IL1RAPL2: variants seen among roughly 807,000 people sequenced by gnomAD.
IL1RAPL2 encodes the protein interleukin 1 receptor accessory protein like 2.
In IL1RAPL2, 3 loss-of-function variants were observed where a neutral mutation model predicts 44.1. That is an observed-to-expected ratio of 0.07 (90% CI 0.03 to 0.18). IL1RAPL2 has a LOEUF of 0.18. IL1RAPL2 is among the 10% of genes least tolerant of loss of function. The pLI, the probability that IL1RAPL2 is intolerant of heterozygous loss-of-function variation, is 1.00. For synonymous variants in IL1RAPL2, 181 were observed against 178.8 expected (o/e 1.01, Z -0.10); for missense variants, 391 against 496.4 (o/e 0.79, Z 2.02).
intron 6 of IL1RAPL2, among the ~76,000 whole-genome samples, chrX:105,515,233 C>A (rs1424646551): frequency 9.0e-6 from 1 of 111,700 alleles, no homozygotes; most frequent in Non-Finnish European, 1.9e-5. Context: ...AAAAGACACT[C>A]ATACTACAGT....
At chrX:104,601,528 A>G (rs1010822446) in intron 1 of IL1RAPL2, among the ~76,000 whole-genome samples, 9 of 112,121 alleles carry the variant, frequency 8.0e-5, no homozygotes, top group Non-Finnish European at 1.3e-4. Context: ...CCTGTCACAC[A>G]GATCACCATT....
intron 3 of IL1RAPL2, among the ~76,000 whole-genome samples, chrX:105,200,640 G>A (rs1045454742): frequency 1.8e-5 from 2 of 111,955 alleles, no homozygotes; most frequent in African/African-American, 6.5e-5. Context: ...GGCCAGGTGC[G>A]GTGGCTCGTG....
chrX:105,347,410 T>C (rs2035118657), intron 5 of IL1RAPL2, among the ~76,000 whole-genome samples: 1 of 111,753 alleles, frequency 8.9e-6, no homozygotes, highest in Non-Finnish European at 1.9e-5. Context: ...CCTTGAGGAT[T>C]ATTTTTTGCC....
intron 2 of IL1RAPL2, among the ~76,000 whole-genome samples, chrX:104,921,340 A>G (rs1036773668): frequency 1.8e-4 from 20 of 109,646 alleles, no homozygotes; most frequent in African/African-American, 6.3e-4. Flanking sequence ...CACATGCCCA[A>G]GACAGGTCCC....
chrX:105,561,242 A>G (rs1438766238), intron 6 of IL1RAPL2, among the ~76,000 whole-genome samples: 1 of 111,887 alleles, frequency 8.9e-6, no homozygotes, highest in Non-Finnish European at 1.9e-5. Flanking sequence ...GATGCTAACC[A>G]TTAATAAAGA....
At chrX:105,033,021 G>A (rs190401933) in intron 2 of IL1RAPL2, among the ~76,000 whole-genome samples, 7,039 of 110,951 alleles carry the variant, frequency 0.063, 600 homozygotes, top group African/African-American at 0.22. Flanking sequence ...GGTTTAAAGT[G>A]TTTTATCAGA....
At chrX:104,695,702 T>C (rs1406014378) in intron 2 of IL1RAPL2, among the ~76,000 whole-genome samples, 1 of 111,092 alleles carries the variant, frequency 9.0e-6, no homozygotes, top group African/African-American at 3.3e-5. Flanking sequence ...AGATATAATA[T>C]AATATTAGGG....
chrX:104,746,452 A>G (rs1932176985), intron 2 of IL1RAPL2, among the ~76,000 whole-genome samples: 1 of 111,877 alleles, frequency 8.9e-6, no homozygotes, highest in Non-Finnish European at 1.9e-5. Context: ...AAATGTAGCA[A>G]AAATACTATG....
At chrX:104,913,127 C>CT (rs1924299261) in intron 2 of IL1RAPL2, among the ~76,000 whole-genome samples, 1 of 111,306 alleles carries the variant, frequency 9.0e-6, no homozygotes, top group Non-Finnish European at 1.9e-5. Context: ...GGTGGCCTGC[C>CT]TTTTTACTTT....
At chrX:104,838,852 T>TTTTC (rs1921822089) in intron 2 of IL1RAPL2, among the ~76,000 whole-genome samples, 1 of 83,561 alleles carries the variant, frequency 1.2e-5, no homozygotes, top group African/African-American at 4.8e-5. Flanking sequence ...TCTTTCTTTT[T>TTTTC]TTTTTTTTTT....
chrX:104,621,489 C>T (rs903276830), intron 1 of IL1RAPL2, among the ~76,000 whole-genome samples: 9 of 107,520 alleles, frequency 8.4e-5, no homozygotes, highest in Admixed American at 5.1e-4. Context: ...CTCTCTCTGC[C>T]GTACCCCCAG....
intron 2 of IL1RAPL2, among the ~76,000 whole-genome samples, chrX:104,949,600 G>A (rs1293117183): frequency 9.3e-6 from 1 of 107,542 alleles, no homozygotes; most frequent in Non-Finnish European, 1.9e-5. Flanking sequence ...ATGCATCCCA[G>A]AGATTCTGGT....
chrX:104,695,963 A>G (rs1247830728), intron 2 of IL1RAPL2, among the ~76,000 whole-genome samples: 1 of 110,694 alleles, frequency 9.0e-6, no homozygotes, highest in Admixed American at 9.6e-5. Context: ...GCCCGCCACC[A>G]CACCCGGCTA....
At chrX:105,481,610 T>C (rs1291828299) in intron 5 of IL1RAPL2, among the ~76,000 whole-genome samples, 1 of 112,472 alleles carries the variant, frequency 8.9e-6, no homozygotes. Context: ...GCTTCCCACC[T>C]ATCACATTCC....
intron 5 of IL1RAPL2, among the ~76,000 whole-genome samples, chrX:105,443,913 T>G (rs1176673008): frequency 8.9e-6 from 1 of 111,945 alleles, no homozygotes; most frequent in Non-Finnish European, 1.9e-5. Flanking sequence ...TTGAGGAAAC[T>G]CCAAACTGTT....
chrX:105,092,890 A>T (rs2032561192), intron 2 of IL1RAPL2, among the ~76,000 whole-genome samples: 1 of 110,837 alleles, frequency 9.0e-6, no homozygotes, highest in Non-Finnish European at 1.9e-5. Flanking sequence ...TGCAGTTTTA[A>T]TGTGCTATAA....
intron 2 of IL1RAPL2, among the ~76,000 whole-genome samples, chrX:105,089,121 C>A (rs1602948674): frequency 9.0e-6 from 1 of 110,936 alleles, no homozygotes; most frequent in Admixed American, 9.7e-5. Flanking sequence ...AATAAAGGAG[C>A]CACTAAAATT....
intron 2 of IL1RAPL2, among the ~76,000 whole-genome samples, chrX:104,910,790 G>T (rs1354946012): frequency 8.9e-6 from 1 of 111,817 alleles, no homozygotes; most frequent in East Asian, 2.8e-4. Flanking sequence ...TATACAGAAA[G>T]AAATAATGGG....
intron 6 of IL1RAPL2, among the ~76,000 whole-genome samples, chrX:105,524,831 C>T (rs1490610385): frequency 9.0e-6 from 1 of 110,604 alleles, no homozygotes; most frequent in East Asian, 2.8e-4. Flanking sequence ...CAGTTACTTA[C>T]CTTCTATGAA....
Sources: allele counts gnomAD v4.1 joint callset (sites outside exome capture counted in the v4.1 genomes callset), GRCh38; gene constraint gnomAD v4.1.1; transcripts MANE v1.5; gene names NCBI Gene and HGNC (gene_info 2026-07-23, HGNC 2026-07-21).